Variants in KCTD16 observed in about 807,000 individuals in gnomAD.
The protein encoded by KCTD16 is BTB/POZ domain-containing protein KCTD16.
Under a neutral mutation model 33.2 loss-of-function variants are expected in KCTD16, and 13 were observed. The observed-to-expected ratio is 0.39, with a 90% CI of 0.25 to 0.62. KCTD16 has a LOEUF of 0.62. KCTD16 is among the 20% of genes least tolerant of loss of function. The pLI is 0.50. For missense variants in KCTD16, 441 were observed against 525.1 expected (o/e 0.84, Z 1.57); for synonymous variants, 197 against 195.3 (o/e 1.01, Z -0.07).
At chr5:144,273,104 A>G (rs1019032857) in intron 3 of KCTD16, among the ~76,000 whole-genome samples, 1 of 152,194 alleles carries the variant, frequency 6.6e-6, no homozygotes, top group African/African-American at 2.4e-5. Context: ...CCAGATATAT[A>G]GTGAACTCCT....
intron 3 of KCTD16, among the ~76,000 whole-genome samples, chr5:144,429,543 T>C (rs1050499789): frequency 2.0e-5 from 3 of 152,078 alleles, no homozygotes; most frequent in Non-Finnish European, 4.4e-5. Context: ...CACATACCTC[T>C]CTTTAACCAA....
At chr5:144,256,459 T>C (rs1754851390) in intron 3 of KCTD16, among the ~76,000 whole-genome samples, 1 of 152,140 alleles carries the variant, frequency 6.6e-6, no homozygotes, top group African/African-American at 2.4e-5. Flanking sequence ...GTGTGACTGT[T>C]TGGAGTTTGT....
intron 3 of KCTD16, among the ~76,000 whole-genome samples, chr5:144,255,607 G>T (rs1006330749): frequency 2.0e-5 from 3 of 152,054 alleles, no homozygotes; most frequent in Non-Finnish European, 2.9e-5. Context: ...TTGGCCATTT[G>T]CATATCTTCT....
rs1454655800 is a variant in KCTD16, at chr5:144,438,095, A to C, written c.833-35565A>C. ...GTATATTAAATACAATATATTAGTA[A>C]AATTAATTTTATGCACTTATTTTTA... On this transcript the variant is annotated intron_variant, in intron 3 of 3. Transcript: ENST00000512467. Among the ~76,000 whole-genome samples the C allele has an allele frequency of 2.0e-5, 3 of 152,214 alleles. No individual in the cohort carries two copies. The East Asian group carries it at 5.8e-4, about 29-fold the overall frequency.
In KCTD16 at chr5:144,484,027, A is replaced by G. The variant is rs1479430191; in HGVS notation, c.*9913A>G. ...CAGAGGGGACGTTTTACATCATCCT[A>G]ACTTCATGTTCCTCTGTCATTTTAT... On this transcript the variant is annotated 3_prime_UTR_variant, in exon 4 of 4. Transcript: ENST00000512467. 1.3e-5 allele frequency: 2 copies of G among 151,954 alleles called. No individual in the cohort carries two copies. The highest frequency in any genetic ancestry group is 2.9e-5 in the Non-Finnish European group (2 of 67,912). 9.4% of individuals were successfully genotyped at this position (151,954 alleles called of 1,614,324 possible).
chr5:144,423,293 T>C (rs1753251165), intron 3 of KCTD16, among the ~76,000 whole-genome samples: 1 of 152,154 alleles, frequency 6.6e-6, no homozygotes, highest in Admixed American at 6.6e-5. Context: ...GGAAGCCAGC[T>C]TTTAAGCAAG....
At chr5:144,449,923 C>A (rs909112312) in intron 3 of KCTD16, among the ~76,000 whole-genome samples, 3 of 151,720 alleles carry the variant, frequency 2.0e-5, no homozygotes, top group Non-Finnish European at 4.4e-5. Context: ...AAAGCACAGG[C>A]AACAAAAGCA....
intron 3 of KCTD16, among the ~76,000 whole-genome samples, chr5:144,365,478 C>T (rs1025462002): frequency 1.3e-5 from 2 of 152,092 alleles, no homozygotes; most frequent in African/African-American, 4.8e-5. Context: ...GCACATGTTG[C>T]TTGAACATTT....
chr5:144,433,424 C>A (rs943628564), intron 3 of KCTD16, among the ~76,000 whole-genome samples: 1 of 152,080 alleles, frequency 6.6e-6, no homozygotes, highest in Non-Finnish European at 1.5e-5. Flanking sequence ...CATGGTAGTG[C>A]AGAGACACCG....
At chr5:144,370,713 A>G (rs2126923539) in intron 3 of KCTD16, among the ~76,000 whole-genome samples, 1 of 152,284 alleles carries the variant, frequency 6.6e-6, no homozygotes, top group South Asian at 2.1e-4. Context: ...GGGAATATAA[A>G]TTGCTTTTAT....
At chr5:144,214,755 A>T (rs1449210399) in intron 3 of KCTD16, among the ~76,000 whole-genome samples, 1 of 152,086 alleles carries the variant, frequency 6.6e-6, no homozygotes, top group Admixed American at 6.5e-5. Context: ...GGTACCCCTT[A>T]TCTTTGCCTC....
At chr5:144,274,676 G>T (rs566434565) in intron 3 of KCTD16, among the ~76,000 whole-genome samples, 5 of 152,092 alleles carry the variant, frequency 3.3e-5, no homozygotes, top group Admixed American at 6.5e-5. Context: ...AGGTGAGGTG[G>T]GGTGCTGGCA....
intron 3 of KCTD16, among the ~76,000 whole-genome samples, chr5:144,345,009 G>A (rs1271976540): frequency 6.6e-6 from 1 of 151,780 alleles, no homozygotes; most frequent in Non-Finnish European, 1.5e-5. Flanking sequence ...TATACACCAT[G>A]GAATACTATG....
At chr5:144,384,091 A>G (rs1752273720) in intron 3 of KCTD16, 1 of 152,170 alleles carries the variant, frequency 6.6e-6, no homozygotes, top group South Asian at 2.1e-4. Context: ...GCTGAACTTA[A>G]TTTTCAAGAT....
intron 3 of KCTD16, among the ~76,000 whole-genome samples, chr5:144,405,640 C>T (rs901157812): frequency 6.6e-6 from 1 of 152,142 alleles, no homozygotes; most frequent in Admixed American, 6.5e-5. Flanking sequence ...GCACAGCTCA[C>T]CAGATAGCTC....
intron 3 of KCTD16, among the ~76,000 whole-genome samples, chr5:144,221,980 C>T (rs1753771451): frequency 6.6e-6 from 1 of 152,182 alleles, no homozygotes; most frequent in African/African-American, 2.4e-5. Flanking sequence ...GAGATGGTAT[C>T]TCATTGTGGT....
chr5:144,323,905 A>G (rs542788949), intron 3 of KCTD16, among the ~76,000 whole-genome samples: 62 of 152,290 alleles, frequency 4.1e-4, no homozygotes, highest in Non-Finnish European at 8.2e-4. Context: ...GAGCTGCTTC[A>G]CTAATGTTTT....
At chr5:144,262,507 T>A (rs1296464356) in intron 3 of KCTD16, among the ~76,000 whole-genome samples, 1 of 152,244 alleles carries the variant, frequency 6.6e-6, no homozygotes, top group Admixed American at 6.5e-5. Flanking sequence ...ACATTTTTTA[T>A]CTTTATCTAA....
At chr5:144,273,965 CATATT>C (rs1417282924) in intron 3 of KCTD16, among the ~76,000 whole-genome samples, 7 of 149,364 alleles carry the variant, frequency 4.7e-5, no homozygotes, top group African/African-American at 7.4e-5. Context: ...ATATACGTAA[CATATT>C]ATATTAAAAT....
Sources: allele counts gnomAD v4.1 joint callset (sites outside exome capture counted in the v4.1 genomes callset), GRCh38; gene constraint gnomAD v4.1.1; transcripts MANE v1.5; gene names NCBI Gene and HGNC (gene_info 2026-07-23, HGNC 2026-07-21).